Variants in TRIM5 observed in about 807,000 individuals in gnomAD.
TRIM5 encodes the protein tripartite motif-containing protein 5.
TRIM5 carries 31 observed loss-of-function variants against 35.6 expected under a neutral mutation model. That is an observed-to-expected ratio of 0.87 (90% confidence interval 0.65 to 1.18). TRIM5 has a LOEUF of 1.18. TRIM5 is among the 50% of genes most tolerant of loss of function. TRIM5 has a pLI of 0.00. For synonymous variants in TRIM5, 243 were observed against 215.6 expected (o/e 1.13, Z -1.11); for missense variants, 609 against 591.6 (o/e 1.03, Z -0.31).
chr11:5,648,658 T>C, the TRIM5 span, among the ~76,000 whole-genome samples: 1 of 152,194 alleles, frequency 6.6e-6, no homozygotes, highest in Non-Finnish European at 1.5e-5. Flanking sequence ...AGAGCAATCA[T>C]TCCAGTAGAG....
At chr11:5,610,576 T>C in the TRIM5 span, 26 of 1,610,792 alleles carry the variant, frequency 1.6e-5, no homozygotes, top group East Asian at 4.7e-4. Flanking sequence ...GTAGAAGCCA[T>C]GGCCTCTTTG....
chr11:5,665,494 C>A (rs750386893), intron 7 of TRIM5, 99 bp from the exon 8 acceptor site: 4 of 1,543,268 alleles, frequency 2.6e-6, no homozygotes, highest in East Asian at 4.5e-5. Flanking sequence ...CTGGGAGGAA[C>A]CTTGTTTAGA....
chr11:5,649,570 T>C, the TRIM5 span, among the ~76,000 whole-genome samples: 5 of 152,208 alleles, frequency 3.3e-5, no homozygotes, highest in Non-Finnish European at 7.3e-5. Context: ...TCTTTGCCTG[T>C]TGGTTCAGAG....
At chr11:5,660,159 T>G (rs1199410617), downstream of TRIM5, among the ~76,000 whole-genome samples, 1 of 152,130 alleles carries the variant, frequency 6.6e-6, no homozygotes, top group Non-Finnish European at 1.5e-5. Flanking sequence ...GTGTTTTTAG[T>G]AGAGACGGGG....
the TRIM5 span, among the ~76,000 whole-genome samples, chr11:5,635,312 G>A: frequency 6.7e-6 from 1 of 149,178 alleles, no homozygotes; most frequent in Non-Finnish European, 1.5e-5. Context: ...CTGGAGTGCA[G>A]TGGTGCGATC....
chr11:5,617,782 G>A, the TRIM5 span, among the ~76,000 whole-genome samples: 5 of 151,808 alleles, frequency 3.3e-5, no homozygotes, highest in Non-Finnish European at 5.9e-5. Flanking sequence ...GGGCCACCGC[G>A]CATGGCCTGG....
At position 5,664,827 on chromosome 11, in the gene TRIM5, C is replaced by G. The variant is rs1210205773; in HGVS notation, c.1464G>C (p.Leu488=). Residue 488 remains leucine, a synonymous_variant, in exon 8 of 8, where the codon CTG becomes CTC. Coordinates refer to ENST00000380034, the MANE Select transcript of TRIM5 (RefSeq NM_033034.3). ...AGAAGGTTCAAGAGCTTGGTGAGCACAGAGTCATGGGGACTCCACATTTTC... is the reference window on the plus strand; with the variant it reads ...AGAAGGTTCAAGAGCTTGGTGAGCAGAGAGTCATGGGGACTCCACATTTTC... ...NPRKCGVPMT[L]CSPSS The G allele has an allele frequency of 1.4e-5, 23 of 1,599,198 alleles. No homozygotes were observed. Among genetic ancestry groups the G allele is most frequent in the Non-Finnish European group, 2.0e-5 (23 of 1,173,590 alleles).
chr11:5,606,906 A>G, the TRIM5 span, among the ~76,000 whole-genome samples: 1 of 152,172 alleles, frequency 6.6e-6, no homozygotes, highest in Admixed American at 6.5e-5. Context: ...GTTGCCCATT[A>G]AGATTTTATA....
chr11:5,622,550 G>A, the TRIM5 span, among the ~76,000 whole-genome samples: 882 of 152,226 alleles, frequency 5.8e-3, 7 homozygotes, highest in South Asian at 0.035. Context: ...CCTGGGAGGC[G>A]GAGGTTGCGG....
the TRIM5 span, chr11:5,632,196 G>A: frequency 1.4e-5 from 22 of 1,520,674 alleles, no homozygotes; most frequent in South Asian, 2.9e-4. Flanking sequence ...TATTGTCTGT[G>A]CAATTAGAAT....
chr11:5,639,732 G>A, the TRIM5 span, among the ~76,000 whole-genome samples: 1 of 147,696 alleles, frequency 6.8e-6, no homozygotes, highest in South Asian at 2.1e-4. Flanking sequence ...GCCTATAGGC[G>A]GTGGATAGAA....
At chr11:5,637,136 G>A in the TRIM5 span, among the ~76,000 whole-genome samples, 1 of 151,546 alleles carries the variant, frequency 6.6e-6, no homozygotes, top group African/African-American at 2.4e-5. Flanking sequence ...TGGCGCCACT[G>A]CACTCCAGCC....
At chr11:5,597,004 G>C in the TRIM5 span, 1 of 1,598,524 alleles carries the variant, frequency 6.3e-7, no homozygotes, top group South Asian at 1.1e-5. Context: ...TTCCCTTTCG[G>C]AACTCATTAT....
chr11:5,632,822 CTT>C, the TRIM5 span: 60,488 of 938,312 alleles, frequency 0.064, 1 homozygote, highest in East Asian at 0.089. Context: ...CCTTTTCATC[CTT>C]TTTTTTTTTT....
chr11:5,682,912 G>A (rs1852617069), intron 1 of TRIM5, among the ~76,000 whole-genome samples: 1 of 152,242 alleles, frequency 6.6e-6, no homozygotes, highest in African/African-American at 2.4e-5. Context: ...GCCAAGGCCG[G>A]AGCTGGCTCC....
the TRIM5 span, chr11:5,603,231 T>A: frequency 6.2e-7 from 1 of 1,605,012 alleles, no homozygotes; most frequent in South Asian, 1.1e-5. Flanking sequence ...TTTTTTTGTT[T>A]GTTCATCTAC....
intron 4 of TRIM5, among the ~76,000 whole-genome samples, chr11:5,668,264 G>A (rs1352943615): frequency 6.6e-6 from 1 of 151,930 alleles, no homozygotes; most frequent in African/African-American, 2.4e-5. Flanking sequence ...TTCAGAGTAA[G>A]ACCCCACTTC....
At chr11:5,612,699 G>A in the TRIM5 span, 10 of 152,130 alleles carry the variant, frequency 6.6e-5, no homozygotes, top group African/African-American at 2.4e-4. Context: ...TACATGTGAG[G>A]GTAGAAACAA....
At chr11:5,649,070 A>G in the TRIM5 span, among the ~76,000 whole-genome samples, 1 of 152,192 alleles carries the variant, frequency 6.6e-6, no homozygotes, top group South Asian at 2.1e-4. Flanking sequence ...TAAGATCAAC[A>G]TACACATATC....
Sources: allele counts gnomAD v4.1 joint callset (sites outside exome capture counted in the v4.1 genomes callset), GRCh38; gene constraint gnomAD v4.1.1; transcripts MANE v1.5; gene names NCBI Gene and HGNC (gene_info 2026-07-23, HGNC 2026-07-21).